Variants in NUP214 observed in about 807,000 individuals in gnomAD.
The protein encoded by NUP214 is nucleoporin 214.
NUP214 carries 79 observed loss-of-function variants against 196.2 expected under a neutral mutation model. That is an observed-to-expected ratio of 0.40 (90% CI 0.34 to 0.49). The LOEUF (loss-of-function observed/expected upper bound fraction) is 0.49, where lower values mean the gene tolerates loss of function less well. Ranked by LOEUF, NUP214 falls within the 20% of genes least tolerant of loss-of-function variation. NUP214 has a pLI of 0.58. For missense variants in NUP214, 2,468 were observed against 2,539.0 expected (o/e 0.97, Z 0.60); for synonymous variants, 1,020 against 990.5 (o/e 1.03, Z -0.56).
At chr9:131,134,849 T>C (rs16922) in intron 7 of NUP214, 49 bp from the exon 8 acceptor site, 292,519 of 1,165,782 alleles carry the variant, frequency 0.25, 38,169 homozygotes, top group East Asian at 0.42. Flanking sequence ...CTGTGGGATC[T>C]GAGAAAAATT....
chr9:131,173,683 A>G (rs966691125), intron 21 of NUP214, among the ~76,000 whole-genome samples: 2 of 152,150 alleles, frequency 1.3e-5, no homozygotes, highest in South Asian at 2.1e-4. Flanking sequence ...GGAAGGTGAC[A>G]GTAATGGTGT....
intron 19 of NUP214, 170 bp downstream of exon 19, chr9:131,163,343 G>T: frequency 1.6e-6 from 1 of 612,674 alleles, no homozygotes; most frequent in South Asian, 2.5e-5. Flanking sequence ...CCTAAAAAAT[G>T]AGGATGACAA....
intron 17 of NUP214, among the ~76,000 whole-genome samples, chr9:131,157,054 C>T (rs1832472484): frequency 6.6e-6 from 1 of 151,996 alleles, no homozygotes; most frequent in Admixed American, 6.6e-5. Flanking sequence ...TGCACAAAAG[C>T]CTCGAATTCC....
chr9:131,166,222 A>G lies in NUP214; in HGVS notation c.2893+2078A>G, dbSNP rs575817480. On this transcript the variant is annotated intron_variant, in intron 21 of 35. Coordinates refer to ENST00000359428, the MANE Select transcript of NUP214 (RefSeq NM_005085.4). ...AATATTCTTTGAACACATGCCTTAT[A>G]AAGACAGCACAATATTTCCTTGTAT... Among the ~76,000 whole-genome samples, 4 of 152,328 alleles carry G rather than the reference A, an allele frequency of 2.6e-5. No individual in the cohort carries two copies. The South Asian group carries it at 6.2e-4, about 24-fold the overall frequency.
chr9:131,227,735 T>C (rs1049924371), intron 32 of NUP214, among the ~76,000 whole-genome samples: 1 of 152,186 alleles, frequency 6.6e-6, no homozygotes, highest in African/African-American at 2.4e-5. Context: ...TCATCTTTTG[T>C]CAGCTAGGTA....
chr9:131,201,594 G>A (rs1833941665), intron 29 of NUP214, 53 bp from the exon 30 acceptor site: 1 of 1,304,904 alleles, frequency 7.7e-7, no homozygotes, highest in Non-Finnish European at 1.1e-6. Context: ...CTTTAATGTT[G>A]TAAAAGACTC....
Position 131,232,518 on chromosome 9 carries a change from T to G in NUP214, c.6239+210T>G. ...ATGGCAGGAGGTGCCAGGCCTCGCC[T>G]TCTTAAGAGGCGTGGTTCAAAGAGA... is the stretch of plus-strand genomic sequence containing the variant. On this transcript the variant is annotated intron_variant, in intron 35 of 35. Coordinates refer to ENST00000359428, the MANE Select transcript of NUP214 (RefSeq NM_005085.4). This position sits in a 1 kb window ranked among gnomAD's most constrained non-coding sequence, Gnocchi z 5.1. 1.6e-6 allele frequency: 1 copy of G among 627,158 alleles called. No homozygotes were observed. The highest frequency in any genetic ancestry group is 2.9e-6 in the Non-Finnish European group (1 of 349,394). The allele number at this position is 627,158 out of a possible 1,614,324, so 38.8% of individuals were successfully genotyped here. A position where few individuals can be genotyped will look rare whatever the true frequency, so the allele number is the denominator to read the frequency against.
chr9:131,161,259 C>CT (rs34588166), intron 18 of NUP214, among the ~76,000 whole-genome samples: 3,558 of 136,152 alleles, frequency 0.026, 101 homozygotes, highest in African/African-American at 0.07. Context: ...ATTGAAATGC[C>CT]TTTTTTTTTT....
intron 18 of NUP214, among the ~76,000 whole-genome samples, chr9:131,160,325 G>A (rs1446864590): frequency 6.6e-6 from 1 of 152,182 alleles, no homozygotes; most frequent in African/African-American, 2.4e-5. Context: ...CGGGATTAAG[G>A]AGAATTTTCC....
In NUP214 at chr9:131,210,791, GA is replaced by G. The variant is rs1041990028; in HGVS notation, c.5593-4413del. Among the ~76,000 whole-genome samples, 54 of 152,050 alleles carry G rather than the reference GA, an allele frequency of 3.6e-4. 1 individual carries two copies. The highest frequency in any genetic ancestry group is 6.5e-4 in the African/African-American group (27 of 41,476). On this transcript the variant is annotated intron_variant, in intron 30 of 35. Coordinates refer to ENST00000359428, the MANE Select transcript of NUP214 (RefSeq NM_005085.4). ...ATCTAAAATGAAGGTCAGAGAGATG[GA>G]AAAAAAATGGATAGAGCATTTCTAC...
chr9:131,196,463 G>A (rs905406604), intron 28 of NUP214, among the ~76,000 whole-genome samples: 4 of 152,074 alleles, frequency 2.6e-5, no homozygotes, highest in South Asian at 4.2e-4. Flanking sequence ...GCCCGGCCTC[G>A]TTACTCTTGT....
intron 24 of NUP214, among the ~76,000 whole-genome samples, chr9:131,179,603 G>T (rs553579106): frequency 6.6e-6 from 1 of 152,140 alleles, no homozygotes; most frequent in African/African-American, 2.4e-5. Context: ...TCTCCACAGC[G>T]TGCCCACCCT....
chr9:131,164,089 A>G lies in NUP214; in HGVS notation c.2838A>G (p.Gln946=), dbSNP rs1272126948. ...PAKLSPMKQA[Q]LRNFLAKRKT... ...AACTGTCCCCCATGAAACAGGCACA[A>G]CTGAGAAACTTCTTGGCCAAGAGGA... is the stretch of plus-strand genomic sequence containing the variant. Residue 946 remains glutamine, a synonymous_variant, in exon 21 of 36, where the codon CAA becomes CAG. Coordinates refer to ENST00000359428, the MANE Select transcript of NUP214 (RefSeq NM_005085.4). 1 of 1,614,190 alleles carries G rather than the reference A, an allele frequency of 6.2e-7. No individual in the cohort carries two copies. The highest frequency in any genetic ancestry group is 2.2e-5 in the East Asian group (1 of 44,880).
intron 30 of NUP214, among the ~76,000 whole-genome samples, chr9:131,206,617 G>A (rs1834096015): frequency 6.6e-6 from 1 of 151,892 alleles, no homozygotes; most frequent in African/African-American, 2.4e-5. Flanking sequence ...AATTTTTTCA[G>A]TTTTTTGTAG....
At chr9:131,151,604 T>A in intron 16 of NUP214, 132 bp from the exon 17 acceptor site, 1 of 606,182 alleles carries the variant, frequency 1.6e-6, no homozygotes, top group East Asian at 2.9e-5. Flanking sequence ...ATTCTTTTTT[T>A]ACCTGAGTTA....
rs1384696959 is a variant in NUP214, at chr9:131,150,663, C to T, written c.2175C>T (p.Ser725=). ...TGGAAGAGTTAAAAGCCCGAACTTC[C>T]AAAGCCTGTTTCCAAGTGGGCACTT... ...KELEELKART[S]KACFQVGTSE... The change falls in exon 16 of 36, where the codon TCC becomes TCT. Residue 725 remains serine (S), a synonymous_variant. Transcript: ENST00000359428. The T allele has an allele frequency of 1.2e-6, 2 of 1,613,976 alleles. No homozygotes were observed. The highest frequency in any genetic ancestry group is 1.7e-6 in the Non-Finnish European group (2 of 1,180,024).
Position 131,145,983 on chromosome 9 carries a change from A to G in NUP214, c.1770-146A>G, listed in dbSNP as rs184924573. ...CACCTTTTATAAGAAATAGCTAAAC[A>G]TTTTTGTTTCCTGAAGGCAAAAAGT... is the stretch of plus-strand genomic sequence containing the variant. On this transcript the variant is annotated intron_variant, in intron 12 of 35. Transcript: ENST00000359428. 3.2e-5 allele frequency: 23 copies of G among 716,086 alleles called. 1 individual carries two copies. Among genetic ancestry groups the G allele is most frequent in the African/African-American group, 2.6e-4 (15 of 57,246 alleles). 44.4% of individuals were successfully genotyped at this position (716,086 alleles called of 1,614,324 possible). A position where few individuals can be genotyped will look rare whatever the true frequency, so the allele number is the denominator to read the frequency against.
chr9:131,140,994 T>G (rs188063729), intron 11 of NUP214, among the ~76,000 whole-genome samples: 371 of 152,340 alleles, frequency 2.4e-3, no homozygotes, highest in African/African-American at 8.1e-3. Flanking sequence ...AGACCCTATA[T>G]TATGTGATGT....
At position 131,147,087 on chromosome 9, in the gene NUP214, A is replaced by AG. The variant is rs577473701; in HGVS notation, c.1946-402dup. Among the ~76,000 whole-genome samples, 4 of 152,184 alleles carry AG rather than the reference A, an allele frequency of 2.6e-5. No individual in the cohort carries two copies. In the South Asian group the frequency reaches 6.2e-4, roughly 24 times the overall value. On this transcript the variant is annotated intron_variant, in intron 13 of 35. Transcript: ENST00000359428. The stretch of plus-strand genomic sequence containing the variant: ...CTGCAGCCTCTACCTCCTGGGCTCA[A>AG]GCGATCTTCCCACCTTAGCCTCCTG...
Sources: allele counts gnomAD v4.1 joint callset (sites outside exome capture counted in the v4.1 genomes callset), GRCh38; gene constraint gnomAD v4.1.1; non-coding constraint Gnocchi (gnomAD v3.1); transcripts MANE v1.5; gene names NCBI Gene and HGNC (gene_info 2026-07-23, HGNC 2026-07-21).